Variants in PPAT observed in about 807,000 individuals in gnomAD.
PPAT encodes amidophosphoribosyltransferase.
PPAT carries 20 observed loss-of-function variants against 60.2 expected under a neutral mutation model. That is an observed-to-expected ratio of 0.33 (90% confidence interval 0.23 to 0.48). The LOEUF (loss-of-function observed/expected upper bound fraction) is 0.48, where lower values mean the gene tolerates loss of function less well. PPAT is among the 20% of genes least tolerant of loss of function. The probability of loss-of-function intolerance (pLI) is 0.99; values close to 1 mark genes in which losing one functional copy is unlikely to be tolerated. For missense variants in PPAT, 349 were observed against 629.6 expected (o/e 0.55, Z 4.77); for synonymous variants, 194 against 215.1 (o/e 0.90, Z 0.86).
chr4:56,413,739 T>C (rs1716584088), intron 1 of PPAT, among the ~76,000 whole-genome samples: 1 of 151,746 alleles, frequency 6.6e-6, no homozygotes, highest in Admixed American at 6.6e-5. Flanking sequence ...CTACTAAAAA[T>C]ACAAAAAATT....
chr4:56,424,544 T>C (rs951672176), intron 1 of PPAT, among the ~76,000 whole-genome samples: 2 of 144,480 alleles, frequency 1.4e-5, no homozygotes, highest in African/African-American at 5.8e-5. Flanking sequence ...AGAAGAATCA[T>C]AGACTGCTCA....
chr4:56,429,504 A>G (rs1040823506), intron 1 of PPAT, among the ~76,000 whole-genome samples: 3 of 152,198 alleles, frequency 2.0e-5, no homozygotes, highest in Non-Finnish European at 4.4e-5. Flanking sequence ...ATATAATGCA[A>G]TATAGCATGT....
chr4:56,418,440 C>T (rs1716883346), intron 1 of PPAT, among the ~76,000 whole-genome samples: 1 of 152,148 alleles, frequency 6.6e-6, no homozygotes, highest in Non-Finnish European at 1.5e-5. Flanking sequence ...CCACCTCAGC[C>T]TCCCAAATAC....
At chr4:56,415,801 G>T (rs948972363) in intron 1 of PPAT, among the ~76,000 whole-genome samples, 3 of 152,088 alleles carry the variant, frequency 2.0e-5, no homozygotes, top group Non-Finnish European at 2.9e-5. Context: ...GTAAGGCTGG[G>T]CACAGTGGCT....
rs924578512 is a variant in PPAT at position 56,429,068 on chromosome 4, A to G, written c.128+6282T>C. ...GGAAACAACTTGTTGCTTTTTCCTG[A>G]TAACAGAGATATTTATTCCTGTCCT... On this transcript the variant is annotated intron_variant, in intron 1 of 10. Transcript: ENST00000264220. 1.3e-5 allele frequency: 4 copies of G among 312,598 alleles called. 1 individual carries two copies. Among genetic ancestry groups the G allele is most frequent in the Non-Finnish European group, 1.9e-5 (4 of 214,920 alleles). The allele number at this position is 312,598 out of a possible 1,614,324, so 19.4% of individuals were successfully genotyped here. A position where few individuals can be genotyped will look rare whatever the true frequency, so the allele number is the denominator to read the frequency against.
At chr4:56,423,345 G>A (rs1717136232) in intron 1 of PPAT, 1 of 152,186 alleles carries the variant, frequency 6.6e-6, no homozygotes, top group African/African-American at 2.4e-5. Flanking sequence ...AATTATGCCA[G>A]GTGCAGTTGG....
intron 1 of PPAT, among the ~76,000 whole-genome samples, chr4:56,429,852 T>G (rs956108107): frequency 1.3e-5 from 2 of 152,236 alleles, no homozygotes; most frequent in Non-Finnish European, 2.9e-5. Context: ...TAGTTTGGGA[T>G]TCATACTATA....
chr4:56,426,184 C>T (rs1485124914), intron 1 of PPAT, among the ~76,000 whole-genome samples: 1 of 152,116 alleles, frequency 6.6e-6, no homozygotes, highest in Non-Finnish European at 1.5e-5. Flanking sequence ...AGGCAGAACA[C>T]GAGGTCAAGA....
intron 1 of PPAT, among the ~76,000 whole-genome samples, chr4:56,412,839 T>C (rs563189327): frequency 6.6e-5 from 10 of 152,336 alleles, no homozygotes; most frequent in African/African-American, 2.4e-4. Flanking sequence ...CCTCTTCCCA[T>C]ATACTTTCCA....
intron 1 of PPAT, among the ~76,000 whole-genome samples, chr4:56,432,525 C>CAAAA (rs34998854): frequency 2.7e-5 from 2 of 75,366 alleles, no homozygotes; most frequent in African/African-American, 9.6e-5. Context: ...GACCCTGTCT[C>CAAAA]AAAAAAAAAA....
At chr4:56,434,689 A>T (rs1717801003) in intron 1 of PPAT, among the ~76,000 whole-genome samples, 1 of 152,228 alleles carries the variant, frequency 6.6e-6, no homozygotes, top group African/African-American at 2.4e-5. Context: ...GACGTCTACC[A>T]ATGAATCTTT....
chr4:56,414,629 T>C (rs550225726), intron 1 of PPAT, among the ~76,000 whole-genome samples: 1 of 152,344 alleles, frequency 6.6e-6, no homozygotes, highest in East Asian at 1.9e-4. Flanking sequence ...AAGAAAAAAT[T>C]ATCTGAAGAG....
At position 56,434,218 on chromosome 4, in the gene PPAT, C is replaced by T. The variant is rs979806562; in HGVS notation, c.128+1132G>A. Among the ~76,000 whole-genome samples, 6 of 152,264 alleles carry T rather than the reference C, an allele frequency of 3.9e-5. No individual in the cohort carries two copies. In the East Asian group the frequency reaches 1.2e-3, roughly 29 times the overall value. On this transcript the variant is annotated intron_variant, in intron 1 of 10. Transcript: ENST00000264220. The stretch of plus-strand genomic sequence containing the variant: ...AGCTCTTTAGTAAACAAGGAACACA[C>T]AAAATGTGAAACTGAAATTGAAGTA...
At chr4:56,416,297 G>A (rs1374985635) in intron 1 of PPAT, 1 of 198,742 alleles carries the variant, frequency 5.0e-6, no homozygotes, top group Non-Finnish European at 9.0e-6. Context: ...TTTAGCTAAA[G>A]CTATTAGAAT....
intron 1 of PPAT, chr4:56,410,490 T>C: frequency 1.0e-6 from 1 of 984,532 alleles, no homozygotes; most frequent in Middle Eastern, 4.4e-4. Context: ...CTGGAAATAG[T>C]GAATCATTTC....
intron 8 of PPAT, 137 bp downstream of exon 8, chr4:56,400,647 G>A (rs774848462): frequency 9.5e-6 from 9 of 944,482 alleles, no homozygotes; most frequent in Non-Finnish European, 1.2e-5. Flanking sequence ...AATAAAAAAC[G>A]CTTGTAAACA....
intron 2 of PPAT, 33 bp from the exon 3 acceptor site, chr4:56,406,734 AAC>A (rs1716251197): frequency 6.7e-7 from 1 of 1,497,778 alleles, no homozygotes; most frequent in Non-Finnish European, 9.3e-7. Context: ...CTTAGAAAAA[AAC>A]AGACTAGTAC....
chr4:56,405,482 A>C (rs1716221702), intron 3 of PPAT, among the ~76,000 whole-genome samples: 1 of 152,210 alleles, frequency 6.6e-6, no homozygotes. Context: ...TGCCAGGGGA[A>C]TCAACCAGAG....
At chr4:56,409,422 A>C (rs754326699) in intron 1 of PPAT, among the ~76,000 whole-genome samples, 1 of 152,136 alleles carries the variant, frequency 6.6e-6, no homozygotes, top group Non-Finnish European at 1.5e-5. Context: ...GCCTTTCTGC[A>C]TTTTCCAAAT....
Sources: allele counts gnomAD v4.1 joint callset (sites outside exome capture counted in the v4.1 genomes callset), GRCh38; gene constraint gnomAD v4.1.1; transcripts MANE v1.5; gene names NCBI Gene and HGNC (gene_info 2026-07-23, HGNC 2026-07-21).